The following TACC2 variants were observed in gnomAD, a reference collection of about 807,000 sequenced individuals.
TACC2 encodes transforming acidic coiled-coil-containing protein 2.
In TACC2, 137 loss-of-function variants were observed where a neutral mutation model predicts 227.3. The ratio of observed to expected loss-of-function variants is 0.60; its 90% CI spans 0.52 to 0.69. The LOEUF (loss-of-function observed/expected upper bound fraction) is 0.69, where lower values mean the gene tolerates loss of function less well. TACC2 is among the 30% of genes least tolerant of loss of function. TACC2 has a pLI of 0.00. For missense variants in TACC2, 3,470 were observed against 3,694.4 expected (o/e 0.94, Z 1.57); for synonymous variants, 1,523 against 1,487.5 (o/e 1.02, Z -0.55).
chr10:122,020,482 A>G (rs1475040635), intron 1 of TACC2, among the ~76,000 whole-genome samples: 1 of 152,142 alleles, frequency 6.6e-6, no homozygotes, highest in Non-Finnish European at 1.5e-5. Context: ...AACCACTTCC[A>G]TTTTATTTTC....
Position 122,205,235 on chromosome 10 carries a change from C to G in TACC2, c.5972-5162C>G, listed in dbSNP as rs1216691128. Among the ~76,000 whole-genome samples the G allele has an allele frequency of 2.6e-5, 4 of 152,176 alleles. No homozygotes were observed. Among genetic ancestry groups the G allele is most frequent in the Admixed American group, 2.0e-4 (3 of 15,280 alleles). The stretch of plus-strand genomic sequence containing the variant: ...AGATAGACCTCAGGAAGCAGAGGAG[C>G]ACAGCCCCACCCGGTGGGGGTTCCT... On this transcript the variant is annotated intron_variant, in intron 8 of 22. Transcript: ENST00000369005. This position sits in a 1 kb window ranked among gnomAD's most constrained non-coding sequence, Gnocchi z 4.5.
In TACC2 at chr10:122,141,213, G is replaced by A. The variant is rs2090485244; in HGVS notation, c.5700-2359G>A. Reference sequence around the variant, plus strand: ...GGAGGGAAGAGGAGAAGTTCTGTTGGGCCCAGGAGGTGTCTGTGGGGGCCC... The same window carrying A: ...GGAGGGAAGAGGAGAAGTTCTGTTGAGCCCAGGAGGTGTCTGTGGGGGCCC... On this transcript the variant is annotated intron_variant, in intron 6 of 22. Coordinates refer to ENST00000369005, the MANE Select transcript of TACC2 (RefSeq NM_206862.4). The surrounding 1 kb of genome is among the most constrained non-coding windows in gnomAD (Gnocchi z 4.3). 6.6e-6 allele frequency among the ~76,000 whole-genome samples: 1 copy of A among 152,082 alleles called. No individual in the cohort carries two copies. Among genetic ancestry groups the A allele is most frequent in the South Asian group, 2.1e-4 (1 of 4,818 alleles).
rs1365195987 is a variant in TACC2 at position 122,248,461 on chromosome 10, G to T, written c.8393-182G>T. 5.8e-6 allele frequency: 4 copies of T among 686,984 alleles called. No individual in the cohort carries two copies. In the African/African-American group the frequency reaches 7.2e-5, roughly 12 times the overall value. The allele number at this position is 686,984 out of a possible 1,614,324, so 42.6% of individuals were successfully genotyped here. On this transcript the variant is annotated intron_variant, in intron 19 of 22. Transcript: ENST00000369005. ...CCGGGTCTGGGAAGCCAGGGCTCTG[G>T]TTTTTGTTCTGTTAGAGACAGTCTG...
chr10:122,062,486 T>TC (rs1324139221), intron 3 of TACC2, among the ~76,000 whole-genome samples: 1 of 151,854 alleles, frequency 6.6e-6, no homozygotes, highest in African/African-American at 2.4e-5. Flanking sequence ...AATTTTTTTT[T>TC]TTTTTTTAGT....
intron 2 of TACC2, chr10:122,032,972 AAACAACAAC>A (rs5788528): frequency 6.3e-5 from 29 of 461,184 alleles, no homozygotes; most frequent in Admixed American, 1.5e-4. Flanking sequence ...CAAAACAACA[AAACAACAAC>A]AACAACAACA....
chr10:122,133,411 GTCAGC>G (rs1465042889), intron 6 of TACC2, among the ~76,000 whole-genome samples: 1 of 152,152 alleles, frequency 6.6e-6, no homozygotes, highest in African/African-American at 2.4e-5. Context: ...TCAGCTCAGA[GTCAGC>G]TCAGATGCCC....
At chr10:122,136,517 A>ATC (rs1555066843) in intron 6 of TACC2, among the ~76,000 whole-genome samples, 2 of 137,318 alleles carry the variant, frequency 1.5e-5, no homozygotes, top group South Asian at 4.7e-4. Context: ...ATATATATAT[A>ATC]TGTGTGTATG....
intron 7 of TACC2, among the ~76,000 whole-genome samples, chr10:122,179,805 C>T (rs189775165): frequency 7.9e-5 from 12 of 152,136 alleles, no homozygotes; most frequent in Admixed American, 3.3e-4. Flanking sequence ...AATTAGCAGA[C>T]GTGGTGGCTT....
intron 7 of TACC2, among the ~76,000 whole-genome samples, chr10:122,185,287 G>A (rs759316465): frequency 1.3e-5 from 2 of 151,738 alleles, no homozygotes; most frequent in Non-Finnish European, 2.9e-5. Context: ...CGCCTCCTGG[G>A]TTCATTCAGG....
chr10:122,064,891 T>A (rs1052553055), intron 3 of TACC2, among the ~76,000 whole-genome samples: 1 of 152,194 alleles, frequency 6.6e-6, no homozygotes, highest in Non-Finnish European at 1.5e-5. Flanking sequence ...CCTGTATAGA[T>A]CTAGGTCATT....
chr10:122,241,931 T>C (rs1381908408), intron 18 of TACC2, 27 bp from the exon 19 acceptor site: 1 of 1,611,424 alleles, frequency 6.2e-7, no homozygotes, highest in African/African-American at 1.3e-5. Flanking sequence ...TTGTCATGAC[T>C]CCAACGTGTC....
rs2079765599 is a variant in TACC2, at chr10:122,083,431, C to A, written c.931C>A (p.His311Asn). ...TDDLEFLRAC[H>N]LPRSNSGAAP... ...TGACTTGGAATTCCTCAGGGCCTGC[C>A]ATCTCCCTAGGAGCAATTCAGGGGC... The change falls in exon 4 of 23, where the codon CAT becomes AAT. Residue 311 changes from histidine to asparagine, a missense_variant. By Grantham distance (68) the His-to-Asn change is moderately conservative. This residue lies in a region of TACC2 where 33 missense variants were observed against 60.4 expected (regional missense o/e 0.55). Coordinates refer to ENST00000369005, the MANE Select transcript of TACC2 (RefSeq NM_206862.4). The A allele has an allele frequency of 1.9e-6, 3 of 1,613,576 alleles. No individual in the cohort carries two copies. The highest frequency in any genetic ancestry group is 2.7e-5 in the African/African-American group (2 of 75,062).
chr10:122,046,482 A>G (rs1217724966), intron 2 of TACC2, among the ~76,000 whole-genome samples: 2 of 151,842 alleles, frequency 1.3e-5, no homozygotes, highest in Non-Finnish European at 2.9e-5. Flanking sequence ...TCAAAATATA[A>G]TAATAAAAAT....
intron 1 of TACC2, among the ~76,000 whole-genome samples, chr10:122,005,072 T>C (rs1261412658): frequency 1.3e-5 from 2 of 151,952 alleles, no homozygotes; most frequent in Admixed American, 6.6e-5. Context: ...ATTCAGTAAG[T>C]TACTGTATTT....
In TACC2 at chr10:122,224,743, T is replaced by G. The variant is rs1565690430; in HGVS notation, c.7564T>G (p.Ser2522Ala). ...SPTEELDYRNSYEIEYMEKIG... is the reference protein window; with the variant it reads ...SPTEELDYRNAYEIEYMEKIG... ...TTTTGCAGAGTTGGATTACAGAAAC[T>G]CCTATGAAATTGAATATATGGAGAA... is the stretch of plus-strand genomic sequence containing the variant. Residue 2522 changes from serine (S) to alanine (A), a missense_variant, in exon 12 of 23, where the codon TCC becomes GCC. Ser to Ala is a moderately conservative substitution (Grantham distance 99). This residue lies in a region of TACC2 where 345 missense variants were observed against 354.4 expected (regional missense o/e 0.97). Transcript: ENST00000369005. 1.9e-6 allele frequency: 3 copies of G among 1,614,146 alleles called. No homozygotes were observed. Among genetic ancestry groups the G allele is most frequent in the African/African-American group, 2.7e-5 (2 of 75,048 alleles).
At chr10:122,073,106 CAA>C (rs1164376721) in intron 3 of TACC2, among the ~76,000 whole-genome samples, 266 of 19,414 alleles carry the variant, frequency 0.014, 1 homozygote, top group African/African-American at 0.057. Flanking sequence ...GACTCTGTCT[CAA>C]AAAAAAAAAA....
At position 122,216,836 on chromosome 10, in the gene TACC2, A is replaced by C. The variant is rs776748439; in HGVS notation, c.7546+8A>C. 30 of 1,613,810 alleles carry C rather than the reference A, an allele frequency of 1.9e-5. No homozygotes were observed. In the Admixed American group the frequency reaches 2.5e-4, roughly 13 times the overall value. On this transcript the variant is annotated splice_region_variant and intron_variant, in intron 11 of 22. Coordinates refer to ENST00000369005, the MANE Select transcript of TACC2 (RefSeq NM_206862.4). Reference sequence around the variant, plus strand: ...TCAGTTCACCCACTGAGGGTAAGCAACTCTGTAGCCAGCTGGACCCCCACT... The same window carrying C: ...TCAGTTCACCCACTGAGGGTAAGCACCTCTGTAGCCAGCTGGACCCCCACT...
At chr10:122,190,614 T>A (rs2094378600) in intron 7 of TACC2, among the ~76,000 whole-genome samples, 1 of 152,090 alleles carries the variant, frequency 6.6e-6, no homozygotes, top group South Asian at 2.1e-4. Context: ...ATAGATTAAT[T>A]CGGTTGGTAC....
intron 5 of TACC2, among the ~76,000 whole-genome samples, chr10:122,110,449 C>T (rs903325076): frequency 2.6e-5 from 4 of 152,250 alleles, no homozygotes; most frequent in Admixed American, 1.3e-4. Context: ...CTGATATCGA[C>T]GTATTTCTGT....
Sources: gnomAD v4.1 joint callset for allele counts (sites outside exome capture counted in the v4.1 genomes callset) on GRCh38, gnomAD v4.1.1 for gene constraint, gnomAD v4.1.1 regional missense constraint, Gnocchi (gnomAD v3.1) non-coding constraint, MANE v1.5 for transcripts, NCBI Gene and HGNC (gene_info 2026-07-23, HGNC 2026-07-21) for gene names.